DNM2: variants seen among roughly 807,000 people sequenced by gnomAD.
DNM2 encodes the protein dynamin-2.
In DNM2, 15 loss-of-function variants were observed where a neutral mutation model predicts 99.0. The ratio of observed to expected loss-of-function variants is 0.15; its 90% CI spans 0.10 to 0.23. The LOEUF (loss-of-function observed/expected upper bound fraction) is 0.23, where lower values mean the gene tolerates loss of function less well. Ranked by LOEUF, DNM2 falls within the 10% of genes least tolerant of loss-of-function variation. DNM2 has a pLI of 1.00. For synonymous variants in DNM2, 525 were observed against 481.2 expected, an observed-to-expected ratio of 1.09 and a Z score of -1.19; for missense variants, 742 against 1,189.4, an observed-to-expected ratio of 0.62 and a Z score of 5.53.
chr19:10,725,386 C>T (rs59214302), intron 1 of DNM2, among the ~76,000 whole-genome samples: 1 of 148,724 alleles, frequency 6.7e-6, no homozygotes, highest in Non-Finnish European at 1.5e-5. Context: ...GAGGAACTTG[C>T]AGTAAGCGGA....
chr19:10,737,243 G>A (rs573085954), intron 1 of DNM2, among the ~76,000 whole-genome samples: 8 of 152,148 alleles, frequency 5.3e-5, no homozygotes, highest in Non-Finnish European at 7.4e-5. Context: ...CAGGTGAGGC[G>A]CTGTCCTACC....
chr19:10,825,594 A>G (rs1042711663), intron 18 of DNM2, among the ~76,000 whole-genome samples: 4 of 152,186 alleles, frequency 2.6e-5, no homozygotes, highest in Non-Finnish European at 5.9e-5. Flanking sequence ...GCTTGAACCC[A>G]AGAGGCAGAG....
chr19:10,824,270 G>C (rs185253474), intron 17 of DNM2: 20 of 316,664 alleles, frequency 6.3e-5, no homozygotes, highest in African/African-American at 1.5e-4. Context: ...GGGAGGCTGA[G>C]GTGGGCAGAT....
Position 10,824,438 on chromosome 19 carries a change from T to C in DNM2, c.1893+539T>C, listed in dbSNP as rs1321437650. 3.5e-5 allele frequency: 7 copies of C among 201,192 alleles called. No homozygotes were observed. The Admixed American group carries it at 3.7e-4, about 11-fold the overall frequency. 12.5% of individuals were successfully genotyped at this position (201,192 alleles called of 1,614,324 possible). A position where few individuals can be genotyped will look rare whatever the true frequency, so the allele number is the denominator to read the frequency against. Reference sequence around the variant, plus strand: ...ATCGCTTAAACCCGGGAGGTAGAGGTTGCAGTGAGCTGAGATCACGCCATT... The same window carrying C: ...ATCGCTTAAACCCGGGAGGTAGAGGCTGCAGTGAGCTGAGATCACGCCATT... On this transcript the variant is annotated intron_variant, in intron 17 of 20. Coordinates refer to ENST00000389253, the MANE Select transcript of DNM2 (RefSeq NM_001005361.3).
rs1599631018 is a variant in DNM2 at position 10,825,088 on chromosome 19, C to G, written c.1925C>G (p.Thr642Ser). ...AACGAGGATGGGGCCCAGGAGAACA[C>G]CTTCTCCATGGACCCCCAACTGGAG... ...AENEDGAQEN[T>S]FSMDPQLERQ... The change falls in exon 18 of 21, where the codon ACC (threonine) becomes AGC (serine). Residue 642 changes from threonine to serine, a missense_variant. Physicochemically the swap from Thr to Ser is moderately conservative, Grantham distance 58 (BLOSUM62 1). Coordinates refer to ENST00000389253, the MANE Select transcript of DNM2 (RefSeq NM_001005361.3). 2.5e-6 allele frequency: 4 copies of G among 1,614,252 alleles called. No homozygotes were observed. The highest frequency in any genetic ancestry group is 3.4e-6 in the Non-Finnish European group (4 of 1,180,052).
rs2073301319 is a variant in DNM2, at chr19:10,830,465, T to C, written c.2543+87T>C. The stretch of plus-strand genomic sequence containing the variant: ...TCACTTCCTCCCAGTGAGCTCTCAC[T>C]ACGTGCCCAGCTGCTGGAGTGGAGG... On this transcript the variant is annotated intron_variant, in intron 20 of 20. Transcript: ENST00000389253. The surrounding 1 kb of genome is among the most constrained non-coding windows in gnomAD (Gnocchi z 4.8). 6.9e-7 allele frequency: 1 copy of C among 1,440,076 alleles called. No individual in the cohort carries two copies. The highest frequency in any genetic ancestry group is 9.5e-7 in the Non-Finnish European group (1 of 1,050,352). 89.2% of individuals were successfully genotyped at this position (1,440,076 alleles called of 1,614,324 possible).
In DNM2 at chr19:10,796,275, G is replaced by T. The variant is rs568585837; in HGVS notation, c.1196+836G>T. 182 of 1,602,036 alleles carry T rather than the reference G, an allele frequency of 1.1e-4. No homozygotes were observed. The highest frequency in any genetic ancestry group is 1.4e-4 in the Non-Finnish European group (168 of 1,171,924). The stretch of plus-strand genomic sequence containing the variant: ...GGGGGTTTGGTATCAGGCTCCCAGC[G>T]CCTCATTGGCCCCCACTGGTGCCTT... On this transcript the variant is annotated intron_variant, in intron 9 of 20. Coordinates refer to ENST00000389253, the MANE Select transcript of DNM2 (RefSeq NM_001005361.3). The surrounding 1 kb of genome is among the most constrained non-coding windows in gnomAD (Gnocchi z 5.6).
chr19:10,727,525 C>T (rs2069153579), intron 1 of DNM2, among the ~76,000 whole-genome samples: 1 of 152,010 alleles, frequency 6.6e-6, no homozygotes, highest in Non-Finnish European at 1.5e-5. Context: ...GCCACCACCC[C>T]CAGCTAATTT....
chr19:10,745,504 C>T (rs531602985), intron 1 of DNM2, among the ~76,000 whole-genome samples: 29 of 152,190 alleles, frequency 1.9e-4, no homozygotes, highest in African/African-American at 6.7e-4. Context: ...GTGGGAGGAT[C>T]GCCTAGGCAG....
chr19:10,731,827 C>T (rs2069331427), intron 1 of DNM2, among the ~76,000 whole-genome samples: 3 of 152,236 alleles, frequency 2.0e-5, no homozygotes, highest in Admixed American at 1.3e-4. Context: ...AGCCCGGCTT[C>T]TGTGGTGCCT....
chr19:10,801,018 T>C (rs1302970868), intron 11 of DNM2, among the ~76,000 whole-genome samples: 1 of 152,186 alleles, frequency 6.6e-6, no homozygotes, highest in East Asian at 1.9e-4. Context: ...CGCTAAAGAC[T>C]TTACAGGCTG....
In DNM2 at chr19:10,795,396, C is replaced by T; in HGVS notation, c.1153C>T (p.Arg385Ter). 1 of 1,614,092 alleles carries T rather than the reference C, an allele frequency of 6.2e-7. No individual in the cohort carries two copies. The highest frequency in any genetic ancestry group is 8.5e-7 in the Non-Finnish European group (1 of 1,180,010). The stretch of plus-strand genomic sequence containing the variant: ...GATGGAGTTTGACGAGAAGGACTTA[C>T]GACGGGAGATCAGCTATGCCATTAA... ...VKMEFDEKDL[R>*]REISYAIKNI... The change falls in exon 9 of 21, where the codon CGA becomes TGA. Residue 385 changes from arginine (R) to a stop codon, truncating the protein, a stop_gained. Coordinates refer to ENST00000389253, the MANE Select transcript of DNM2 (RefSeq NM_001005361.3). LOFTEE classifies it high-confidence loss of function. The surrounding 1 kb of genome is among the most constrained non-coding windows in gnomAD (Gnocchi z 4.2).
chr19:10,729,396 A>C (rs966021731), intron 1 of DNM2, among the ~76,000 whole-genome samples: 2 of 152,006 alleles, frequency 1.3e-5, no homozygotes, highest in Admixed American at 6.6e-5. Context: ...AAGAGTGAGA[A>C]GCGGTTTGCC....
In DNM2 at chr19:10,741,715, A is replaced by G. The variant is rs190115519; in HGVS notation, c.162-18023A>G. Among the ~76,000 whole-genome samples the G allele has an allele frequency of 3.4e-4, 51 of 151,662 alleles. No individual in the cohort carries two copies. In the East Asian group the frequency reaches 6.7e-3, roughly 20 times the overall value. On this transcript the variant is annotated intron_variant, in intron 1 of 20. Coordinates refer to ENST00000389253, the MANE Select transcript of DNM2 (RefSeq NM_001005361.3). ...CAGGTGTCCGCCACCATGCCCGGCT[A>G]ATTTTTTTTGTATTTTTAGTAGAGA...
chr19:10,770,355 G>A (rs1030494973), intron 2 of DNM2, among the ~76,000 whole-genome samples: 2 of 152,072 alleles, frequency 1.3e-5, no homozygotes, highest in Admixed American at 1.3e-4. Flanking sequence ...TCGCATCTCC[G>A]GGGTGGGTCA....
At chr19:10,815,856 G>A (rs1213592838) in intron 15 of DNM2, among the ~76,000 whole-genome samples, 2 of 152,174 alleles carry the variant, frequency 1.3e-5, no homozygotes, top group Non-Finnish European at 2.9e-5. Flanking sequence ...AGGCAGGACT[G>A]GGCTTGGAAG....
intron 1 of DNM2, chr19:10,755,294 C>G (rs1177355348): frequency 6.6e-6 from 1 of 152,138 alleles, no homozygotes; most frequent in Non-Finnish European, 1.5e-5. Context: ...GATTGCATCA[C>G]ATGCTGCTCC....
At chr19:10,787,512 A>G (rs975107459) in intron 7 of DNM2, among the ~76,000 whole-genome samples, 1 of 151,320 alleles carries the variant, frequency 6.6e-6, no homozygotes, top group Non-Finnish European at 1.5e-5. Flanking sequence ...CACGCCTGTA[A>G]TCCTAGCACT....
intron 1 of DNM2, among the ~76,000 whole-genome samples, chr19:10,739,076 G>A (rs896918969): frequency 6.6e-6 from 1 of 152,114 alleles, no homozygotes; most frequent in Non-Finnish European, 1.5e-5. Flanking sequence ...AGGAGGCTGA[G>A]GCAGGAGAAT....
Sources: gnomAD v4.1 joint callset for allele counts (sites outside exome capture counted in the v4.1 genomes callset) on GRCh38, gnomAD v4.1.1 for gene constraint, Gnocchi (gnomAD v3.1) non-coding constraint, MANE v1.5 for transcripts, NCBI Gene and HGNC (gene_info 2026-07-23, HGNC 2026-07-21) for gene names.